FBRSL1: variants seen among roughly 807,000 people sequenced by gnomAD.
FBRSL1 encodes the protein fibrosin-1-like protein.
In FBRSL1, 51 loss-of-function variants were observed where a neutral mutation model predicts 89.6. The observed-to-expected ratio is 0.57, with a 90% CI of 0.45 to 0.72. The LOEUF is 0.72. Among genes scored for constraint, FBRSL1 ranks in the 30% least tolerant of loss-of-function variants. FBRSL1 has a pLI of 0.00. For missense variants in FBRSL1, 1,618 were observed against 1,451.8 expected (o/e 1.11, Z -1.86); for synonymous variants, 779 against 681.1 (o/e 1.14, Z -2.24).
At chr12:132,509,146 G>A (rs759400262) in intron 2 of FBRSL1, 277 of 1,177,456 alleles carry the variant, frequency 2.4e-4, no homozygotes, top group Non-Finnish European at 2.8e-4. Context: ...AGGTGGACAC[G>A]TGCTCTTTCT....
At chr12:132,578,712 C>CCCCG (rs1467688283) in intron 15 of FBRSL1, among the ~76,000 whole-genome samples, 14 of 48,498 alleles carry the variant, frequency 2.9e-4, no homozygotes, top group Non-Finnish European at 4.9e-4. Flanking sequence ...AGCTCCCAAC[C>CCCCG]CCCGCTGCAG....
chr12:132,581,547 C>G, intron 16 of FBRSL1, 31 bp downstream of exon 16: 1 of 1,548,078 alleles, frequency 6.5e-7, no homozygotes, highest in Non-Finnish European at 8.7e-7. Context: ...CCCACGCAGC[C>G]TGGCTGGTTC....
At chr12:132,541,576 G>A (rs2037275196) in intron 4 of FBRSL1, among the ~76,000 whole-genome samples, 1 of 152,228 alleles carries the variant, frequency 6.6e-6, no homozygotes, top group South Asian at 2.1e-4. Flanking sequence ...CATGGTGGAG[G>A]GGTGCGGATT....
intron 2 of FBRSL1, among the ~76,000 whole-genome samples, chr12:132,513,054 G>A (rs574151716): frequency 2.0e-5 from 3 of 152,342 alleles, no homozygotes; most frequent in South Asian, 4.1e-4. Context: ...GCTGCCAGGC[G>A]TCGCCCTGGG....
At position 132,583,136 on chromosome 12, in the gene FBRSL1, CAAG is replaced by C; in HGVS notation, c.2368_2370del (p.Lys790del). 6.1e-6 allele frequency: 9 copies of C among 1,463,846 alleles called. No individual in the cohort carries two copies. The highest frequency in any genetic ancestry group is 8.1e-6 in the Non-Finnish European group (9 of 1,112,130). 90.7% of individuals were successfully genotyped at this position (1,463,846 alleles called of 1,614,324 possible). ...GGGTCAAGGAGAGCCGCTCCCCGGC[CAAG>C]GAGGAGGCCGCCAAGATGCCCGCGC... On this transcript the variant is annotated inframe_deletion, in exon 19 of 19. Coordinates refer to ENST00000680143, the MANE Select transcript of FBRSL1 (RefSeq NM_001367871.1).
chr12:132,505,727 G>A (rs1221674479), intron 1 of FBRSL1, among the ~76,000 whole-genome samples: 1 of 152,208 alleles, frequency 6.6e-6, no homozygotes, highest in Admixed American at 6.5e-5. Flanking sequence ...CAGTGCTGTG[G>A]CGTTGCTGTG....
chr12:132,509,365 G>A (rs1478441381), intron 2 of FBRSL1: 19 of 1,244,706 alleles, frequency 1.5e-5, no homozygotes, highest in East Asian at 6.3e-5. Context: ...TGGCCCCAGC[G>A]GTCACTTCTG....
intron 5 of FBRSL1, among the ~76,000 whole-genome samples, chr12:132,561,603 C>T (rs1023328359): frequency 6.6e-6 from 1 of 152,096 alleles, no homozygotes; most frequent in Admixed American, 6.5e-5. Flanking sequence ...CCGCCTCCTT[C>T]CTGGCCCCTG....
intron 1 of FBRSL1, among the ~76,000 whole-genome samples, chr12:132,497,295 G>T (rs2032199491): frequency 6.6e-6 from 1 of 152,164 alleles, no homozygotes; most frequent in Non-Finnish European, 1.5e-5. Flanking sequence ...AGAGGTCATG[G>T]GACCACCTCG....
At chr12:132,553,405 G>A (rs1185226652) in intron 5 of FBRSL1, 2 of 152,192 alleles carry the variant, frequency 1.3e-5, no homozygotes, top group Non-Finnish European at 2.9e-5. Context: ...TTGGGTCCCC[G>A]AGACAGGCCA....
chr12:132,574,211 G>A (rs551661268), intron 12 of FBRSL1, 53 bp downstream of exon 12: 51 of 1,432,894 alleles, frequency 3.6e-5, no homozygotes, highest in Admixed American at 1.5e-4. Context: ...TGCCCCGGCC[G>A]GGCCCTGTGC....
rs2030687829 is a variant in FBRSL1 at position 132,490,658 on chromosome 12, C to G, written c.88C>G (p.Gln30Glu). 2 of 993,372 alleles carry G rather than the reference C, an allele frequency of 2.0e-6. No individual in the cohort carries two copies. The highest frequency in any genetic ancestry group is 1.8e-5 in the African/African-American group (1 of 56,880). 61.5% of individuals were successfully genotyped at this position (993,372 alleles called of 1,614,324 possible). ...GGAGGCCGCCCGCGACGCCCGCGCC[C>G]AGAGTCCGTCGTCGGGCGACGAGCC... ...RREAARDARA[Q>E]SPSSGDEPEP... Residue 30 changes from glutamine (Q) to glutamate (E), a missense_variant, in exon 1 of 19, where the codon CAG becomes GAG. Transcript: ENST00000680143.
intron 7 of FBRSL1, 25 bp downstream of exon 7, chr12:132,570,266 C>G: frequency 1.3e-6 from 2 of 1,501,504 alleles, no homozygotes; most frequent in East Asian, 5.1e-5. Context: ...GGGGACGGGG[C>G]CTGTGTGGTC....
intron 2 of FBRSL1, 51 bp from the exon 3 acceptor site, chr12:132,525,683 G>A (rs1055386417): frequency 4.8e-6 from 7 of 1,471,822 alleles, no homozygotes; most frequent in South Asian, 1.2e-5. Flanking sequence ...GCCCCGATGC[G>A]GACGCGGTGA....
chr12:132,571,145 T>G lies in FBRSL1; in HGVS notation c.1291T>G (p.Ser431Ala). The change falls in exon 9 of 19, where the codon TCA becomes GCA. Residue 431 changes from serine (S) to alanine (A), a missense_variant. Physicochemically the swap from Ser to Ala is moderately conservative, Grantham distance 99. Transcript: ENST00000680143. ...TTCGGGAATTCTGATTGGTACTTGG[T>G]CACAGGCTCCTCTCTTACCTGCACC... ...PHSGILIGTW[S>A]QAPLLPAPLG... The G allele has an allele frequency of 7.2e-7, 1 of 1,397,750 alleles. No homozygotes were observed. The highest frequency in any genetic ancestry group is 9.3e-7 in the Non-Finnish European group (1 of 1,076,898). 86.6% of individuals were successfully genotyped at this position (1,397,750 alleles called of 1,614,324 possible).
intron 15 of FBRSL1, chr12:132,581,198 C>T: frequency 1.0e-6 from 1 of 985,434 alleles, no homozygotes; most frequent in East Asian, 1.1e-4. Context: ...GCACCTCCCT[C>T]CCTGCCCCCC....
Position 132,547,974 on chromosome 12 carries a change from G to A in FBRSL1, c.616-29G>A, listed in dbSNP as rs755511420. ...GGGTGACACTGGTTGGTGGGGCCCC[G>A]ACTCACTTCTGTCTCTCTGTCCCTG... On this transcript the variant is annotated intron_variant, in intron 4 of 18. Transcript: ENST00000680143. 34 of 1,549,394 alleles carry A rather than the reference G, an allele frequency of 2.2e-5. No homozygotes were observed. The African/African-American group carries it at 2.9e-4, about 13-fold the overall frequency.
intron 2 of FBRSL1, chr12:132,509,410 T>C: frequency 1.6e-6 from 2 of 1,242,282 alleles, no homozygotes; most frequent in East Asian, 3.2e-5. Flanking sequence ...CGGCGGTCAC[T>C]TCTGGGCCCC....
chr12:132,505,960 G>A (rs531925479), intron 1 of FBRSL1, among the ~76,000 whole-genome samples: 11 of 152,382 alleles, frequency 7.2e-5, no homozygotes, highest in African/African-American at 2.2e-4. Flanking sequence ...TGCAGTGAGC[G>A]TGGCTGCAGT....
Sources: gnomAD v4.1 joint callset for allele counts (sites outside exome capture counted in the v4.1 genomes callset) on GRCh38, gnomAD v4.1.1 for gene constraint, MANE v1.5 for transcripts, NCBI Gene and HGNC (gene_info 2026-07-23, HGNC 2026-07-21) for gene names.